Variants in ZW10 observed in about 807,000 individuals in gnomAD.
ZW10 encodes centromere/kinetochore protein zw10 homolog.
In ZW10, 53 loss-of-function variants were observed where a neutral mutation model predicts 87.8. The observed-to-expected ratio is 0.60, with a 90% CI of 0.48 to 0.76. The LOEUF is 0.76. Ranked by LOEUF, ZW10 falls within the 30% of genes least tolerant of loss-of-function variation. ZW10 has a pLI of 0.00. For missense variants in ZW10, 837 were observed against 923.0 expected (o/e 0.91, Z 1.21); for synonymous variants, 312 against 329.2 (o/e 0.95, Z 0.57).
chr11:113,758,960 G>C (rs1472447424), intron 5 of ZW10, among the ~76,000 whole-genome samples: 1 of 152,088 alleles, frequency 6.6e-6, no homozygotes, highest in Non-Finnish European at 1.5e-5. Context: ...GATCACTTGA[G>C]CCCAGGAGTT....
intron 9 of ZW10, among the ~76,000 whole-genome samples, chr11:113,746,267 C>T (rs1591412915): frequency 6.6e-6 from 1 of 152,124 alleles, no homozygotes; most frequent in East Asian, 1.9e-4. Flanking sequence ...TAGTTCAATC[C>T]TCTCACAGTA....
At chr11:113,758,091 T>C (rs758080282) in intron 6 of ZW10, among the ~76,000 whole-genome samples, 2 of 152,006 alleles carry the variant, frequency 1.3e-5, no homozygotes, top group African/African-American at 2.4e-5. Context: ...GAGAACTGCC[T>C]GAACCCAGGA....
At chr11:113,734,255 A>G (rs1953524832) in intron 15 of ZW10, among the ~76,000 whole-genome samples, 1 of 152,272 alleles carries the variant, frequency 6.6e-6, no homozygotes, top group Admixed American at 6.5e-5. Context: ...GCAAAAAAAT[A>G]TGAACAGGCA....
rs1186048034 is a variant in ZW10 at position 113,743,686 on chromosome 11, A to G, written c.1511+116T>C. ...GTTTTGTTTTGTTTCCAGAAAAAGC[A>G]TTAACTTCTAGGATATGAAAACCCA... On this transcript the variant is annotated intron_variant, in intron 10 of 15. Coordinates refer to ENST00000200135, the MANE Select transcript of ZW10 (RefSeq NM_004724.4). The G allele has an allele frequency of 4.1e-5, 34 of 821,664 alleles. No individual in the cohort carries two copies. In the East Asian group the frequency reaches 6.8e-4, roughly 16 times the overall value. 50.9% of individuals were successfully genotyped at this position (821,664 alleles called of 1,614,324 possible). A position where few individuals can be genotyped will look rare whatever the true frequency, so the allele number is the denominator to read the frequency against.
chr11:113,757,804 G>C lies in ZW10; in HGVS notation c.783C>G (p.Ser261=). 1 of 1,612,810 alleles carries C rather than the reference G, an allele frequency of 6.2e-7. No individual in the cohort carries two copies. The highest frequency in any genetic ancestry group is 1.3e-5 in the African/African-American group (1 of 74,968). Residue 261 remains serine, a synonymous_variant, in exon 7 of 16, where the codon TCC becomes TCG. Transcript: ENST00000200135. ...YILRPLASCP[S]LHAVIESQPN... ...GCTGGCTTTCTATCACAGCATGAAGGGATGGGCAAGATGCCAGCGGCCTAA... is the reference window on the plus strand; with the variant it reads ...GCTGGCTTTCTATCACAGCATGAAGCGATGGGCAAGATGCCAGCGGCCTAA...
chr11:113,739,161 G>C, intron 12 of ZW10, 52 bp downstream of exon 12: 1 of 1,588,538 alleles, frequency 6.3e-7, no homozygotes, highest in Non-Finnish European at 8.6e-7. Context: ...AAGATACTAT[G>C]TTGACAAGCT....
chr11:113,746,642 G>A (rs1953680695), intron 9 of ZW10, among the ~76,000 whole-genome samples: 2 of 152,132 alleles, frequency 1.3e-5, no homozygotes, highest in South Asian at 2.1e-4. Context: ...ACAGGAAATA[G>A]GGGAGGTTAT....
intron 10 of ZW10, 45 bp from the exon 11 acceptor site, chr11:113,741,810 TA>T: frequency 7.1e-7 from 1 of 1,415,772 alleles, no homozygotes; most frequent in Non-Finnish European, 9.8e-7. Context: ...AAGAATACAC[TA>T]AAAACAAGAA....
chr11:113,756,778 A>G (rs17115933), intron 7 of ZW10, among the ~76,000 whole-genome samples: 27 of 152,274 alleles, frequency 1.8e-4, no homozygotes, highest in Admixed American at 5.2e-4. Flanking sequence ...TAATCTTTGG[A>G]TGCTTTGTTT....
At chr11:113,737,504 C>G in intron 14 of ZW10, 68 bp downstream of exon 14, 6 of 1,419,576 alleles carry the variant, frequency 4.2e-6, no homozygotes, top group Non-Finnish European at 5.6e-6. Flanking sequence ...ACATCACTTT[C>G]TTAGCAAAGT....
At chr11:113,761,769 G>A (rs369538500) in intron 2 of ZW10, among the ~76,000 whole-genome samples, 1 of 152,102 alleles carries the variant, frequency 6.6e-6, no homozygotes. Context: ...TCAAATTTAA[G>A]TATGTTAAAA....
intron 11 of ZW10, among the ~76,000 whole-genome samples, chr11:113,739,803 A>C (rs553078075): frequency 6.6e-6 from 1 of 152,356 alleles, no homozygotes; most frequent in East Asian, 1.9e-4. Context: ...ACTAGTTTTC[A>C]AAAACTGACT....
At position 113,760,291 on chromosome 11, in the gene ZW10, G is replaced by A; in HGVS notation, c.498C>T (p.Leu166=). 6.2e-7 allele frequency: 1 copy of A among 1,614,082 alleles called. No homozygotes were observed. Among genetic ancestry groups the A allele is most frequent in the Non-Finnish European group, 8.5e-7 (1 of 1,180,004 alleles). The change falls in exon 5 of 16, where the codon CTC becomes CTT. Residue 166 remains leucine (L), a synonymous_variant. Coordinates refer to ENST00000200135, the MANE Select transcript of ZW10 (RefSeq NM_004724.4). ...AAAGTATGTTCTGTTTCTGTATTGT[G>A]AGCTCCATGCTGAGAGATTTCAATA... ...LKILKSLSME[L]TIQKQNILYH...
chr11:113,733,504 A>C lies in ZW10; in HGVS notation c.*190T>G. 1.6e-6 allele frequency: 1 copy of C among 630,168 alleles called. No homozygotes were observed. 39.0% of individuals were successfully genotyped at this position (630,168 alleles called of 1,614,324 possible). On this transcript the variant is annotated 3_prime_UTR_variant, in exon 16 of 16. Coordinates refer to ENST00000200135, the MANE Select transcript of ZW10 (RefSeq NM_004724.4). ...ATTGAGGTGCTTTACTTGACAATTTATCTTAATAAACAGTTCTTAAACAAA... is the reference window on the plus strand; with the variant it reads ...ATTGAGGTGCTTTACTTGACAATTTCTCTTAATAAACAGTTCTTAAACAAA...
chr11:113,763,523 C>A (rs1320889154), intron 2 of ZW10, among the ~76,000 whole-genome samples: 1 of 152,212 alleles, frequency 6.6e-6, no homozygotes, highest in African/African-American at 2.4e-5. Context: ...TCCTCTCCAG[C>A]ATCTATTGTT....
At chr11:113,761,050 A>C in intron 2 of ZW10, 132 bp from the exon 3 acceptor site, 1 of 696,076 alleles carries the variant, frequency 1.4e-6, no homozygotes, top group Non-Finnish European at 2.4e-6. Flanking sequence ...TTAAGACTGG[A>C]ATAAAAATCA....
At position 113,736,640 on chromosome 11, in the gene ZW10, G is replaced by A. The variant is rs1953556210; in HGVS notation, c.2199C>T (p.Ser733=). 2 of 1,614,182 alleles carry A rather than the reference G, an allele frequency of 1.2e-6. No individual in the cohort carries two copies. Among genetic ancestry groups the A allele is most frequent in the Non-Finnish European group, 1.7e-6 (2 of 1,180,018 alleles). The change falls in exon 15 of 16, where the codon AGC becomes AGT. Residue 733 remains serine (S), a synonymous_variant. Coordinates refer to ENST00000200135, the MANE Select transcript of ZW10 (RefSeq NM_004724.4). ...FKELMMMLQA[S]LQEIGDRWAD... ...CATACCGATCCCCAATTTCTTGCAA[G>A]CTGGCTTGTAGCATCATCATCAATT...
At chr11:113,749,146 G>A (rs1292779644) in intron 7 of ZW10, among the ~76,000 whole-genome samples, 1 of 152,010 alleles carries the variant, frequency 6.6e-6, no homozygotes, top group Non-Finnish European at 1.5e-5. Flanking sequence ...TTCAAATCCA[G>A]CCTGGGCAAC....
At chr11:113,744,194 T>C (rs186425780) in intron 9 of ZW10, among the ~76,000 whole-genome samples, 154 bp from the exon 10 acceptor site, 90 of 152,216 alleles carry the variant, frequency 5.9e-4, no homozygotes, top group Non-Finnish European at 1.0e-3. Context: ...GAGACCATCC[T>C]GGCTAACACG....
Sources: allele counts gnomAD v4.1 joint callset (sites outside exome capture counted in the v4.1 genomes callset), GRCh38; gene constraint gnomAD v4.1.1; transcripts MANE v1.5; gene names NCBI Gene and HGNC (gene_info 2026-07-23, HGNC 2026-07-21).